Variants in CSMD1 observed in about 807,000 individuals in gnomAD.
CSMD1 encodes CUB and sushi domain-containing protein 1.
CSMD1 carries 213 observed loss-of-function variants against 417.5 expected under a neutral mutation model. That is an observed-to-expected ratio of 0.51 (90% confidence interval 0.46 to 0.57). The LOEUF is 0.57. CSMD1 is among the 20% of genes least tolerant of loss of function. The pLI, the probability that CSMD1 is intolerant of heterozygous loss-of-function variation, is 0.00. For synonymous variants in CSMD1, 2,862 were observed against 1,736.8 expected (o/e 1.65, Z -16.11); for missense variants, 6,923 against 4,529.7 (o/e 1.53, Z -15.17).
chr8:4,333,052 G>A (rs1272701699), intron 3 of CSMD1, among the ~76,000 whole-genome samples: 3 of 151,904 alleles, frequency 2.0e-5, no homozygotes, highest in African/African-American at 4.8e-5. Flanking sequence ...CATTTTAAAT[G>A]TCAAGAGCGT....
chr8:4,469,525 G>C (rs186411902), intron 2 of CSMD1, among the ~76,000 whole-genome samples: 8 of 152,178 alleles, frequency 5.3e-5, no homozygotes, highest in East Asian at 1.9e-4. Flanking sequence ...TATTCCTTCC[G>C]GAGCCTTCCT....
At chr8:4,491,178 C>A (rs1462013224) in intron 2 of CSMD1, among the ~76,000 whole-genome samples, 1 of 152,078 alleles carries the variant, frequency 6.6e-6, no homozygotes, top group African/African-American at 2.4e-5. Context: ...ACAATCTGTA[C>A]ATGTACTGCT....
At chr8:3,976,383 T>A (rs1454686337) in intron 5 of CSMD1, among the ~76,000 whole-genome samples, 3 of 152,238 alleles carry the variant, frequency 2.0e-5, no homozygotes. Flanking sequence ...TTCCTGAACT[T>A]TCTTCAAGTT....
At chr8:4,362,016 AAAGC>A (rs1380767221) in intron 3 of CSMD1, among the ~76,000 whole-genome samples, 3 of 152,166 alleles carry the variant, frequency 2.0e-5, no homozygotes. Context: ...AGATTAAGAA[AAAGC>A]AAGACAAGGA....
At chr8:3,336,031 G>A (rs939373362) in intron 23 of CSMD1, among the ~76,000 whole-genome samples, 13 of 152,126 alleles carry the variant, frequency 8.5e-5, no homozygotes, top group South Asian at 2.1e-4. Flanking sequence ...TTCTCCCATA[G>A]GACTGTGTTG....
chr8:4,508,172 T>C (rs1802631814), intron 2 of CSMD1, among the ~76,000 whole-genome samples: 1 of 150,982 alleles, frequency 6.6e-6, no homozygotes, highest in Admixed American at 6.6e-5. Context: ...TTTTTTTTTT[T>C]TCAATTCTGA....
At chr8:4,618,446 T>C (rs2725012) in intron 2 of CSMD1, among the ~76,000 whole-genome samples, 47,961 of 151,778 alleles carry the variant, frequency 0.32, 8,134 homozygotes, top group Non-Finnish European at 0.37. Context: ...CGGAGTGCTG[T>C]TAGGGACCTA....
chr8:4,072,307 G>A (rs929268347), intron 3 of CSMD1, among the ~76,000 whole-genome samples: 3 of 152,108 alleles, frequency 2.0e-5, no homozygotes, highest in Non-Finnish European at 4.4e-5. Flanking sequence ...ACCTTCCTTT[G>A]CCTTCAAAAT....
intron 5 of CSMD1, among the ~76,000 whole-genome samples, chr8:3,823,596 T>G (rs1238556347): frequency 1.3e-5 from 2 of 152,172 alleles, no homozygotes; most frequent in African/African-American, 4.8e-5. Flanking sequence ...TTTGAACCAT[T>G]CAACTTATGC....
chr8:3,027,374 T>A (rs1286193629), intron 51 of CSMD1, among the ~76,000 whole-genome samples: 2 of 152,102 alleles, frequency 1.3e-5, no homozygotes, highest in Non-Finnish European at 2.9e-5. Context: ...CAGATAACCA[T>A]ACAACATCCT....
chr8:4,910,366 A>G (rs1371423599), intron 1 of CSMD1, among the ~76,000 whole-genome samples: 1 of 152,202 alleles, frequency 6.6e-6, no homozygotes, highest in Non-Finnish European at 1.5e-5. Flanking sequence ...CTGCTATAAA[A>G]AATACTATAA....
intron 5 of CSMD1, among the ~76,000 whole-genome samples, chr8:3,773,979 T>A (rs952599998): frequency 6.6e-6 from 1 of 152,144 alleles, no homozygotes; most frequent in Non-Finnish European, 1.5e-5. Context: ...TAACCCTGCA[T>A]CTATTTGCTC....
At chr8:4,594,441 C>G (rs140182799) in intron 2 of CSMD1, among the ~76,000 whole-genome samples, 1 of 151,972 alleles carries the variant, frequency 6.6e-6, no homozygotes, top group African/African-American at 2.4e-5. Context: ...CTCAAGTAAT[C>G]CACGCATCTC....
At chr8:4,524,690 G>A (rs548280663) in intron 2 of CSMD1, among the ~76,000 whole-genome samples, 45 of 150,094 alleles carry the variant, frequency 3.0e-4, no homozygotes, top group African/African-American at 4.6e-4. Context: ...CAATAAATAC[G>A]CCCAGAGTTT....
At chr8:4,751,810 T>C (rs1811345788) in intron 1 of CSMD1, among the ~76,000 whole-genome samples, 1 of 152,100 alleles carries the variant, frequency 6.6e-6, no homozygotes. Flanking sequence ...ACATGCAGAG[T>C]CCACATGATG....
chr8:4,305,265 A>G (rs980911117), intron 3 of CSMD1, among the ~76,000 whole-genome samples: 6 of 152,176 alleles, frequency 3.9e-5, no homozygotes, highest in East Asian at 3.9e-4. Flanking sequence ...GCCATTTCCA[A>G]TGCCTGGGAA....
At chr8:4,456,309 A>C (rs1380181529) in intron 2 of CSMD1, among the ~76,000 whole-genome samples, 1 of 152,198 alleles carries the variant, frequency 6.6e-6, no homozygotes, top group Non-Finnish European at 1.5e-5. Flanking sequence ...TGTAATAAAG[A>C]CAGCAGTAAT....
At chr8:3,891,875 C>G (rs922770585) in intron 5 of CSMD1, among the ~76,000 whole-genome samples, 9 of 152,102 alleles carry the variant, frequency 5.9e-5, no homozygotes, top group African/African-American at 2.2e-4. Flanking sequence ...AGGCTAGTTA[C>G]TGACACGTTT....
chr8:3,096,350 T>C (rs1815294004), intron 47 of CSMD1, among the ~76,000 whole-genome samples: 1 of 151,592 alleles, frequency 6.6e-6, no homozygotes, highest in African/African-American at 2.4e-5. Flanking sequence ...AATTGAATCA[T>C]GTGGGTGGGT....
Sources: gnomAD v4.1 joint callset for allele counts (sites outside exome capture counted in the v4.1 genomes callset) on GRCh38, gnomAD v4.1.1 for gene constraint, MANE v1.5 for transcripts, NCBI Gene and HGNC (gene_info 2026-07-23, HGNC 2026-07-21) for gene names.